Variants in DPP6 observed in about 807,000 individuals in gnomAD.
The protein encoded by DPP6 is dipeptidyl peptidase like 6.
A neutral mutation model predicts 122.6 loss-of-function variants in DPP6; 69 were observed. The observed-to-expected ratio is 0.56, with a 90% confidence interval of 0.46 to 0.69. DPP6 has a LOEUF of 0.69. Among genes scored for constraint, DPP6 ranks in the 30% least tolerant of loss-of-function variants. The pLI is 0.00. For synonymous variants in DPP6, 418 were observed against 433.1 expected (o/e 0.97, Z 0.43); for missense variants, 928 against 1,116.9 (o/e 0.83, Z 2.41).
intron 7 of DPP6, among the ~76,000 whole-genome samples, chr7:154,680,902 A>G (rs986012566): frequency 6.6e-6 from 1 of 152,160 alleles, no homozygotes; most frequent in African/African-American, 2.4e-5. Context: ...AACCCTTCAG[A>G]GATATTTTCT....
rs771490185 is a variant in DPP6, at chr7:154,457,922, T to C, written c.358+11594T>C. Reference sequence around the variant, plus strand: ...CACCAGCATGGCACATGTATACATATGTAACTAGCCTGCACAATGTGCACA... The same window carrying C: ...CACCAGCATGGCACATGTATACATACGTAACTAGCCTGCACAATGTGCACA... On this transcript the variant is annotated intron_variant, in intron 2 of 25. Transcript: ENST00000377770. Among the ~76,000 whole-genome samples, 5 of 116,868 alleles carry C rather than the reference T, an allele frequency of 4.3e-5. 1 individual carries two copies. The highest frequency in any genetic ancestry group is 1.3e-4 in the African/African-American group (4 of 30,776). The allele number at this position is 116,868 out of a possible 152,430, so 76.7% of individuals were successfully genotyped here. A position where few individuals can be genotyped will look rare whatever the true frequency, so the allele number is the denominator to read the frequency against.
chr7:154,646,014 T>C lies in DPP6; in HGVS notation c.680+8141T>C, dbSNP rs575211543. Among the ~76,000 whole-genome samples, 188 of 67,400 alleles carry C rather than the reference T, an allele frequency of 2.8e-3. 1 individual carries two copies. The highest frequency in any genetic ancestry group is 7.4e-3 in the African/African-American group (151 of 20,540). 44.2% of individuals were successfully genotyped at this position (67,400 alleles called of 152,430 possible). A position where few individuals can be genotyped will look rare whatever the true frequency, so the allele number is the denominator to read the frequency against. ...CTGCACTCCAGCTCGGGCGGCAGAG[T>C]GAGACTCCGTCTCAAAAAAAAAAAA... On this transcript the variant is annotated intron_variant, in intron 6 of 25. Coordinates refer to ENST00000377770, the MANE Select transcript of DPP6 (RefSeq NM_130797.4).
At chr7:153,940,108 G>A (rs564512793) in intron 1 of DPP6, among the ~76,000 whole-genome samples, 24 of 152,138 alleles carry the variant, frequency 1.6e-4, no homozygotes, top group Admixed American at 6.5e-4. Flanking sequence ...TCCCTCTTTT[G>A]AGTCTGTCTG....
intron 1 of DPP6, among the ~76,000 whole-genome samples, chr7:154,177,969 G>A (rs1797888755): frequency 6.6e-6 from 1 of 152,116 alleles, no homozygotes; most frequent in African/African-American, 2.4e-5. Flanking sequence ...GGAACATTGT[G>A]GCCCTGAGTC....
At chr7:154,679,603 A>G (rs1411748287) in intron 7 of DPP6, among the ~76,000 whole-genome samples, 1 of 152,196 alleles carries the variant, frequency 6.6e-6, no homozygotes, top group Non-Finnish European at 1.5e-5. Flanking sequence ...GAAGTGGACA[A>G]ATCCAGCGAG....
rs76178016 is a variant in DPP6, at chr7:154,426,109, G to A, written c.244-20105G>A. Among the ~76,000 whole-genome samples the A allele has an allele frequency of 8.2e-3, 1,248 of 152,242 alleles. 16 individuals are homozygous for A. The highest frequency in any genetic ancestry group is 0.027 in the African/African-American group (1,129 of 41,536). On this transcript the variant is annotated intron_variant, in intron 1 of 25. Coordinates refer to ENST00000377770, the MANE Select transcript of DPP6 (RefSeq NM_130797.4). The stretch of plus-strand genomic sequence containing the variant: ...CTATAGATTGCTTGATTTATGATGC[G>A]AGATTTGATTCTTCATGTCATCTTG...
intron 10 of DPP6, among the ~76,000 whole-genome samples, chr7:154,775,462 A>G (rs772747076): frequency 9.9e-5 from 15 of 152,210 alleles, no homozygotes; most frequent in Non-Finnish European, 7.4e-5. Flanking sequence ...CAGCATTTCT[A>G]CTGGGAGTGG....
At chr7:154,127,062 C>T (rs1432181169) in intron 1 of DPP6, among the ~76,000 whole-genome samples, 1 of 152,174 alleles carries the variant, frequency 6.6e-6, no homozygotes, top group African/African-American at 2.4e-5. Flanking sequence ...GCTGTATCCC[C>T]TCTTCTTCTT....
In DPP6 at chr7:154,893,015, A is replaced by G; in HGVS notation, c.*535A>G. ...ACGTTCAACATGGTGAGGGGCTACAAGAAAACGCTTTTCTGTACAGAGTCT... is the reference window on the plus strand; with the variant it reads ...ACGTTCAACATGGTGAGGGGCTACAGGAAAACGCTTTTCTGTACAGAGTCT... On this transcript the variant is annotated 3_prime_UTR_variant, in exon 26 of 26. Transcript: ENST00000377770. The G allele has an allele frequency of 4.0e-6, 2 of 498,958 alleles. No homozygotes were observed. Among genetic ancestry groups the G allele is most frequent in the Non-Finnish European group, 8.1e-6 (2 of 247,460 alleles). 30.9% of individuals were successfully genotyped at this position (498,958 alleles called of 1,614,324 possible).
At chr7:153,807,974 C>A in the DPP6 span, among the ~76,000 whole-genome samples, 1 of 151,998 alleles carries the variant, frequency 6.6e-6, no homozygotes, top group African/African-American at 2.4e-5. Context: ...AGAAGTGTTT[C>A]TCCAGGTGGC....
At chr7:154,154,799 A>G (rs1272476558) in intron 1 of DPP6, among the ~76,000 whole-genome samples, 1 of 152,262 alleles carries the variant, frequency 6.6e-6, no homozygotes, top group Non-Finnish European at 1.5e-5. Flanking sequence ...ACACACATGC[A>G]TGCACACACA....
At chr7:154,239,950 C>T (rs952581019) in intron 1 of DPP6, among the ~76,000 whole-genome samples, 87 of 128,178 alleles carry the variant, frequency 6.8e-4, no homozygotes, top group Admixed American at 5.5e-3. Flanking sequence ...CAAGATCGTG[C>T]CACTGCACTC....
chr7:154,030,965 T>G (rs1043946899), intron 1 of DPP6, among the ~76,000 whole-genome samples: 1 of 152,152 alleles, frequency 6.6e-6, no homozygotes, highest in Admixed American at 6.5e-5. Context: ...GAATGCCTAG[T>G]AAGCATCCAT....
At chr7:154,004,951 G>T (rs955732243) in intron 1 of DPP6, among the ~76,000 whole-genome samples, 2 of 151,958 alleles carry the variant, frequency 1.3e-5, no homozygotes, top group African/African-American at 4.8e-5. Flanking sequence ...TTTAAAGAGG[G>T]TCATGATAGT....
At chr7:153,912,563 A>G (rs1563226504) in intron 1 of DPP6, among the ~76,000 whole-genome samples, 1 of 152,202 alleles carries the variant, frequency 6.6e-6, no homozygotes, top group Non-Finnish European at 1.5e-5. Flanking sequence ...CTACAGAGCT[A>G]TTTGTAAGAG....
chr7:154,379,337 A>G (rs150832836), intron 1 of DPP6, among the ~76,000 whole-genome samples: 3 of 152,008 alleles, frequency 2.0e-5, no homozygotes, highest in Non-Finnish European at 4.4e-5. Flanking sequence ...GGCAGGGAAC[A>G]TCACACACCA....
At chr7:154,676,444 C>T (rs1422070967) in intron 7 of DPP6, among the ~76,000 whole-genome samples, 1 of 122,784 alleles carries the variant, frequency 8.1e-6, no homozygotes, top group African/African-American at 2.6e-5. Flanking sequence ...GCTGCCCTTC[C>T]CCATGTGACC....
intron 5 of DPP6, among the ~76,000 whole-genome samples, chr7:154,635,287 C>T (rs1316707608): frequency 6.6e-6 from 1 of 152,106 alleles, no homozygotes; most frequent in East Asian, 1.9e-4. Flanking sequence ...CCCCACCACC[C>T]ACTTCAGCTC....
chr7:154,253,366 ACAGT>A, intron 1 of DPP6, among the ~76,000 whole-genome samples: 1 of 152,168 alleles, frequency 6.6e-6, no homozygotes, highest in African/African-American at 2.4e-5. Flanking sequence ...GGGTGAGGGG[ACAGT>A]CTTCCCTACC....
Sources: gnomAD v4.1 joint callset for allele counts (sites outside exome capture counted in the v4.1 genomes callset) on GRCh38, gnomAD v4.1.1 for gene constraint, MANE v1.5 for transcripts, NCBI Gene and HGNC (gene_info 2026-07-23, HGNC 2026-07-21) for gene names.